Variants in BROX observed in about 807,000 individuals in gnomAD.
BROX encodes the protein BRO1 domain-containing protein BROX.
Under a neutral mutation model 61.0 loss-of-function variants are expected in BROX, and 53 were observed. That is an observed-to-expected ratio of 0.87 (90% CI 0.70 to 1.09). The LOEUF (loss-of-function observed/expected upper bound fraction) is 1.09. BROX is among the 50% of genes least tolerant of loss of function. BROX has a pLI of 0.00. For missense variants in BROX, 489 were observed against 472.0 expected (o/e 1.04, Z -0.33); for synonymous variants, 152 against 160.2 (o/e 0.95, Z 0.38).
At chr1:222,724,717 G>T (rs960081063) in intron 6 of BROX, among the ~76,000 whole-genome samples, 1 of 152,162 alleles carries the variant, frequency 6.6e-6, no homozygotes, top group Non-Finnish European at 1.5e-5. Flanking sequence ...GGCCAGTGTT[G>T]ATTTTTTTCA....
At chr1:222,721,912 G>A (rs562913735) in intron 4 of BROX, among the ~76,000 whole-genome samples, 8 of 152,126 alleles carry the variant, frequency 5.3e-5, no homozygotes, top group African/African-American at 1.9e-4. Context: ...CCTCACCTGG[G>A]ATGTCCTTTT....
chr1:222,725,511 TC>T lies in BROX; in HGVS notation c.537del (p.Ile180Ter), dbSNP rs1657437159. 6.2e-7 allele frequency: 1 copy of T among 1,613,272 alleles called. No homozygotes were observed. Among genetic ancestry groups the T allele is most frequent in the Non-Finnish European group, 8.5e-7 (1 of 1,179,698 alleles). ...AEKGRDLESRLIEAYVIQCQA... is the reference protein window; with the variant it reads ...AEKGRDLESRXIEAYVIQCQA... ...AAAGGAAGAGATTTAGAGTCACGAC[TC>T]ATAGAAGCATACGTTATTCAATGTC... On this transcript the variant is annotated frameshift_variant, in exon 7 of 13. Transcript: ENST00000340934. LOFTEE classifies it high-confidence loss of function.
chr1:222,715,624 C>T, intron 1 of BROX, 60 bp from the exon 2 acceptor site: 1 of 689,060 alleles, frequency 1.5e-6, no homozygotes, highest in Non-Finnish European at 2.2e-6. Context: ...ATGCTATTTA[C>T]CTTGTTTATT....
intron 1 of BROX, 141 bp downstream of exon 1, chr1:222,713,083 GAAAC>G (rs893679121): frequency 3.9e-6 from 4 of 1,024,150 alleles, no homozygotes; most frequent in Admixed American, 5.6e-5. Context: ...CTAGTGCCTT[GAAAC>G]AAACGACAGA....
chr1:222,732,586 A>G (rs749452300), intron 12 of BROX, 42 bp from the exon 13 acceptor site: 17 of 1,401,998 alleles, frequency 1.2e-5, no homozygotes, highest in Admixed American at 1.2e-4. Context: ...TGTTTTCTCA[A>G]TCTTAGTTTA....
At chr1:222,720,536 G>A (rs1657000627) in intron 4 of BROX, among the ~76,000 whole-genome samples, 1 of 152,086 alleles carries the variant, frequency 6.6e-6, no homozygotes, top group African/African-American at 2.4e-5. Flanking sequence ...CTAAAGCCGG[G>A]CACAGTGGCT....
Position 222,730,185 on chromosome 1 carries a change from C to T in BROX, c.989+8C>T. 1 of 1,549,558 alleles carries T rather than the reference C, an allele frequency of 6.5e-7. No homozygotes were observed. Among genetic ancestry groups the T allele is most frequent in the Admixed American group, 1.8e-5 (1 of 55,170 alleles). On this transcript the variant is annotated splice_region_variant and intron_variant, in intron 11 of 12. Transcript: ENST00000340934. ...GAGAGAAAATGGATTTATGTGAGTA[C>T]AGTTTAATATTACTTTAGTAATAAT... is the stretch of plus-strand genomic sequence containing the variant.
At chr1:222,726,215 G>T (rs546921238) in intron 7 of BROX, among the ~76,000 whole-genome samples, 3 of 152,232 alleles carry the variant, frequency 2.0e-5, no homozygotes, top group Non-Finnish European at 4.4e-5. Flanking sequence ...GACACTCAAC[G>T]TGAAACAATT....
chr1:222,728,545 T>C (rs1029026456), intron 8 of BROX, among the ~76,000 whole-genome samples, 198 bp from the exon 9 acceptor site: 2 of 152,132 alleles, frequency 1.3e-5, no homozygotes, highest in Non-Finnish European at 2.9e-5. Flanking sequence ...AGAGCTGCCA[T>C]AGTATTTAAC....
intron 6 of BROX, 104 bp from the exon 7 acceptor site, chr1:222,725,346 T>C (rs577067842): frequency 3.0e-6 from 2 of 669,910 alleles, no homozygotes; most frequent in South Asian, 2.2e-5. Context: ...CTGCTAAGCC[T>C]CCCAGTTGAA....
At chr1:222,713,229 G>C (rs1656201398) in intron 1 of BROX, 1 of 986,232 alleles carries the variant, frequency 1.0e-6, no homozygotes, top group Non-Finnish European at 1.2e-6. Context: ...TTCGGCCGTT[G>C]TCTGGCCACC....
At chr1:222,713,945 C>G (rs1402651123) in intron 1 of BROX, 4 of 152,190 alleles carry the variant, frequency 2.6e-5, no homozygotes, top group African/African-American at 9.7e-5. Context: ...TGGTGCTCCT[C>G]AAAACCAGCT....
At chr1:222,717,960 C>G (rs914780272) in intron 2 of BROX, 1 of 152,132 alleles carries the variant, frequency 6.6e-6, no homozygotes, top group Non-Finnish European at 1.5e-5. Flanking sequence ...GGTCTTTGGT[C>G]ATACCCATGT....
chr1:222,715,429 C>T lies in BROX; in HGVS notation c.-16-255C>T, dbSNP rs149650233. 1.2e-3 allele frequency among the ~76,000 whole-genome samples: 184 copies of T among 152,216 alleles called. 5 individuals carry two copies. The East Asian group carries it at 0.016, about 13-fold the overall frequency. On this transcript the variant is annotated intron_variant, in intron 1 of 12. Coordinates refer to ENST00000340934, the MANE Select transcript of BROX (RefSeq NM_144695.4). Reference sequence around the variant, plus strand: ...AAATAGACAAAACATAACCTGAGGCCGGGCGCGGTGGCTCACGCCTGTAAT... The same window carrying T: ...AAATAGACAAAACATAACCTGAGGCTGGGCGCGGTGGCTCACGCCTGTAAT...
chr1:222,719,782 C>G (rs1656928363), intron 4 of BROX, among the ~76,000 whole-genome samples: 1 of 152,194 alleles, frequency 6.6e-6, no homozygotes, highest in Admixed American at 6.5e-5. Context: ...ACTCCATACT[C>G]TTGATTCACA....
chr1:222,725,229 C>T (rs1038354266), intron 6 of BROX, among the ~76,000 whole-genome samples: 1 of 152,118 alleles, frequency 6.6e-6, no homozygotes, highest in African/African-American at 2.4e-5. Flanking sequence ...TTAAATTTTG[C>T]TCTTGAATTT....
intron 1 of BROX, among the ~76,000 whole-genome samples, chr1:222,714,161 AT>A (rs1656339195): frequency 6.8e-6 from 1 of 147,378 alleles, no homozygotes; most frequent in Non-Finnish European, 1.5e-5. Flanking sequence ...CTTTCTCCTT[AT>A]TATCTGCTGC....
Position 222,728,727 on chromosome 1 carries a change from TA to T in BROX, c.671-12del. The T allele has an allele frequency of 6.5e-7, 1 of 1,539,902 alleles. No individual in the cohort carries two copies. The highest frequency in any genetic ancestry group is 8.9e-7 in the Non-Finnish European group (1 of 1,123,382). ...CAGGGCGAAATTATATTTTGCTTTT[TA>T]AAATGTAACTTTAGATCATACTTTA... On this transcript the variant is annotated splice_polypyrimidine_tract_variant and intron_variant, in intron 8 of 12. Coordinates refer to ENST00000340934, the MANE Select transcript of BROX (RefSeq NM_144695.4).
intron 1 of BROX, 101 bp downstream of exon 1, chr1:222,713,043 A>T: frequency 3.7e-6 from 4 of 1,067,372 alleles, no homozygotes; most frequent in African/African-American, 3.4e-5. Context: ...GTCTCCATAG[A>T]CCCCTGGACA....
Sources: allele counts gnomAD v4.1 joint callset (sites outside exome capture counted in the v4.1 genomes callset), GRCh38; gene constraint gnomAD v4.1.1; transcripts MANE v1.5; gene names NCBI Gene and HGNC (gene_info 2026-07-23, HGNC 2026-07-21).